GPC5: variants seen among roughly 807,000 people sequenced by gnomAD.
GPC5 encodes glypican-5.
Under a neutral mutation model 53.9 loss-of-function variants are expected in GPC5, and 47 were observed. That is an observed-to-expected ratio of 0.87 (90% CI 0.69 to 1.11). The LOEUF is 1.11. GPC5 is among the 50% of genes most tolerant of loss of function. The pLI is 0.00. For missense variants in GPC5, 748 were observed against 713.1 expected (o/e 1.05, Z -0.56); for synonymous variants, 286 against 263.3 (o/e 1.09, Z -0.84).
At chr13:92,121,203 C>A (rs1236554884) in intron 6 of GPC5, among the ~76,000 whole-genome samples, 4 of 152,130 alleles carry the variant, frequency 2.6e-5, no homozygotes, top group African/African-American at 2.4e-5. Flanking sequence ...CGATTTTCTT[C>A]TGGTTGATCT....
chr13:92,044,463 C>T (rs2040966026), intron 6 of GPC5, among the ~76,000 whole-genome samples: 1 of 152,166 alleles, frequency 6.6e-6, no homozygotes, highest in African/African-American at 2.4e-5. Context: ...AAAAACTAGT[C>T]AGGATGTTGT....
chr13:92,781,895 T>C (rs993261944), intron 7 of GPC5, among the ~76,000 whole-genome samples: 1 of 152,218 alleles, frequency 6.6e-6, no homozygotes, highest in African/African-American at 2.4e-5. Context: ...GCTGTGACGC[T>C]GCAGAGCAAG....
intron 6 of GPC5, among the ~76,000 whole-genome samples, chr13:92,084,771 T>A (rs1037730801): frequency 1.3e-5 from 2 of 152,360 alleles, no homozygotes; most frequent in African/African-American, 4.8e-5. Context: ...TGGTACAAGA[T>A]AAATGTTACA....
chr13:92,410,977 A>G (rs1490455558), intron 7 of GPC5, among the ~76,000 whole-genome samples: 2 of 152,234 alleles, frequency 1.3e-5, no homozygotes, highest in Non-Finnish European at 1.5e-5. Context: ...GCCCATGCCT[A>G]TAATCCCAGT....
chr13:91,782,451 G>A (rs117510678), intron 5 of GPC5, among the ~76,000 whole-genome samples: 5,802 of 152,164 alleles, frequency 0.038, 142 homozygotes, highest in Middle Eastern at 0.065. Flanking sequence ...TTCACATGGC[G>A]CCAGGAAAGA....
chr13:92,741,580 T>A (rs1889095140), intron 7 of GPC5, among the ~76,000 whole-genome samples: 3 of 152,032 alleles, frequency 2.0e-5, no homozygotes, highest in Admixed American at 2.0e-4. Context: ...CATACCAAGC[T>A]AAAATATTTT....
chr13:92,065,404 A>T lies in GPC5; in HGVS notation c.1402-79426A>T, dbSNP rs149069571. On this transcript the variant is annotated intron_variant, in intron 6 of 7. Transcript: ENST00000377067. Reference sequence around the variant, plus strand: ...TGAGTAATGAGAAGAGTATACTTGGATATAAAAATAGTAAAGAAATAATTG... The same window carrying T: ...TGAGTAATGAGAAGAGTATACTTGGTTATAAAAATAGTAAAGAAATAATTG... Among the ~76,000 whole-genome samples, 974 of 152,286 alleles carry T rather than the reference A, an allele frequency of 6.4e-3. 18 individuals are homozygous for T. Among genetic ancestry groups the T allele is most frequent in the African/African-American group, 0.022 (933 of 41,558 alleles).
chr13:91,575,081 G>A (rs2032083419), intron 2 of GPC5, among the ~76,000 whole-genome samples: 1 of 152,126 alleles, frequency 6.6e-6, no homozygotes, highest in Non-Finnish European at 1.5e-5. Flanking sequence ...GTGACTGCAT[G>A]TACCACATTC....
intron 2 of GPC5, among the ~76,000 whole-genome samples, chr13:91,570,748 G>A (rs1301584220): frequency 6.6e-6 from 1 of 152,092 alleles, no homozygotes; most frequent in Non-Finnish European, 1.5e-5. Flanking sequence ...AGAGCCATCG[G>A]TGATTTCCAA....
chr13:92,585,189 G>A (rs552243632), intron 7 of GPC5, among the ~76,000 whole-genome samples: 23 of 152,114 alleles, frequency 1.5e-4, no homozygotes, highest in Admixed American at 3.9e-4. Flanking sequence ...TGTACCATGC[G>A]CCTGGAAAAG....
chr13:92,842,141 T>C (rs1333424670), intron 7 of GPC5, among the ~76,000 whole-genome samples: 3 of 152,156 alleles, frequency 2.0e-5, no homozygotes, highest in Admixed American at 6.6e-5. Flanking sequence ...TACACAAATA[T>C]ATTTATCCTT....
chr13:91,982,586 T>C (rs1005213840), intron 6 of GPC5, among the ~76,000 whole-genome samples: 1 of 151,918 alleles, frequency 6.6e-6, no homozygotes, highest in Non-Finnish European at 1.5e-5. Context: ...GACGAAAATC[T>C]AGGCAAGGGG....
chr13:92,309,579 T>A (rs1028352327), intron 7 of GPC5, among the ~76,000 whole-genome samples: 3 of 152,126 alleles, frequency 2.0e-5, no homozygotes, highest in Non-Finnish European at 2.9e-5. Context: ...AAATATTTAA[T>A]GACATTTTTA....
At chr13:92,288,190 T>A (rs1377610733) in intron 7 of GPC5, among the ~76,000 whole-genome samples, 2 of 152,212 alleles carry the variant, frequency 1.3e-5, no homozygotes, top group Non-Finnish European at 2.9e-5. Context: ...ATTTTCTTCA[T>A]ATATTTGATC....
rs544450490 is a variant in GPC5, at chr13:92,339,757, C to T, written c.1561+194768C>T. 13 of 152,186 alleles carry T rather than the reference C, an allele frequency of 8.5e-5. No homozygotes were observed. The East Asian group carries it at 1.9e-3, about 23-fold the overall frequency. 9.4% of individuals were successfully genotyped at this position (152,186 alleles called of 1,614,324 possible). Reference sequence around the variant, plus strand: ...AAATCTATGTTTCTGCAGATCTTGACATTCTCAAAAGGCATTAAAGGGCAG... The same window carrying T: ...AAATCTATGTTTCTGCAGATCTTGATATTCTCAAAAGGCATTAAAGGGCAG... On this transcript the variant is annotated intron_variant, in intron 7 of 7. Coordinates refer to ENST00000377067, the MANE Select transcript of GPC5 (RefSeq NM_004466.6).
At chr13:92,674,560 AG>A in intron 7 of GPC5, among the ~76,000 whole-genome samples, 2 of 18,832 alleles carry the variant, frequency 1.1e-4, no homozygotes, top group African/African-American at 2.6e-4. Flanking sequence ...AGCTTCATGA[AG>A]CTCTTCTTGA....
At position 92,002,697 on chromosome 13, in the gene GPC5, A is replaced by G. The variant is rs902686371; in HGVS notation, c.1401+94640A>G. Among the ~76,000 whole-genome samples the G allele has an allele frequency of 6.6e-5, 10 of 152,236 alleles. No homozygotes were observed. The South Asian group carries it at 1.7e-3, about 25-fold the overall frequency. On this transcript the variant is annotated intron_variant, in intron 6 of 7. Coordinates refer to ENST00000377067, the MANE Select transcript of GPC5 (RefSeq NM_004466.6). ...AAAGTAAACAAGAAACAAGATAGGA[A>G]TGGAACATATAAAGTGAACAACAAC...
chr13:92,039,689 T>C (rs1378294713), intron 6 of GPC5, among the ~76,000 whole-genome samples: 1 of 152,178 alleles, frequency 6.6e-6, no homozygotes, highest in Non-Finnish European at 1.5e-5. Flanking sequence ...GGTAGATTGA[T>C]TTCTGATGCT....
intron 7 of GPC5, among the ~76,000 whole-genome samples, chr13:92,412,064 A>G (rs1876068919): frequency 6.6e-6 from 1 of 152,216 alleles, no homozygotes; most frequent in East Asian, 1.9e-4. Context: ...TCTTCCTACC[A>G]TGATTCAAAT....
Sources: gnomAD v4.1 joint callset for allele counts (sites outside exome capture counted in the v4.1 genomes callset) on GRCh38, gnomAD v4.1.1 for gene constraint, MANE v1.5 for transcripts, NCBI Gene and HGNC (gene_info 2026-07-23, HGNC 2026-07-21) for gene names.